CCSER1: variants seen among roughly 807,000 people sequenced by gnomAD.
CCSER1 encodes the protein serine-rich coiled-coil domain-containing protein 1.
CCSER1 carries 41 observed loss-of-function variants against 82.0 expected under a neutral mutation model. That is an observed-to-expected ratio of 0.50 (90% confidence interval 0.39 to 0.65). The LOEUF (loss-of-function observed/expected upper bound fraction) is 0.65, where lower values mean the gene tolerates loss of function less well. Among genes scored for constraint, CCSER1 ranks in the 30% least tolerant of loss-of-function variants. The pLI is 0.00. For missense variants in CCSER1, 1,119 were observed against 1,064.2 expected (o/e 1.05, Z -0.72); for synonymous variants, 414 against 383.9 (o/e 1.08, Z -0.92).
chr4:90,875,096 T>C (rs1767030624), intron 8 of CCSER1, among the ~76,000 whole-genome samples: 1 of 151,998 alleles, frequency 6.6e-6, no homozygotes, highest in South Asian at 2.1e-4. Context: ...AACTGCATCA[T>C]CTCTCTGTAT....
intron 3 of CCSER1, among the ~76,000 whole-genome samples, chr4:90,317,638 A>G (rs1308972323): frequency 6.6e-6 from 1 of 152,086 alleles, no homozygotes; most frequent in Non-Finnish European, 1.5e-5. Context: ...AAATAAATAA[A>G]ATAAAATAAA....
chr4:90,145,819 A>G (rs946525366), intron 1 of CCSER1, among the ~76,000 whole-genome samples: 2 of 152,138 alleles, frequency 1.3e-5, no homozygotes, highest in Non-Finnish European at 2.9e-5. Flanking sequence ...TAAAAACAAA[A>G]CAATTGAACA....
chr4:90,532,822 C>T (rs939856294), intron 5 of CCSER1, among the ~76,000 whole-genome samples: 14 of 152,106 alleles, frequency 9.2e-5, no homozygotes, highest in Admixed American at 4.6e-4. Flanking sequence ...AATAGATCGA[C>T]TTGTACTTTG....
intron 5 of CCSER1, among the ~76,000 whole-genome samples, chr4:90,562,802 T>C (rs989055808): frequency 4.0e-5 from 6 of 150,192 alleles, no homozygotes; most frequent in African/African-American, 9.8e-5. Flanking sequence ...CTTCCCAAAG[T>C]GCTAGGATTA....
intron 6 of CCSER1, among the ~76,000 whole-genome samples, chr4:90,654,072 G>A (rs1490848773): frequency 6.6e-6 from 1 of 151,998 alleles, no homozygotes; most frequent in African/African-American, 2.4e-5. Context: ...ACAGCAAGGG[G>A]GAAATTTGCC....
intron 9 of CCSER1, among the ~76,000 whole-genome samples, chr4:90,976,475 C>A (rs1343321704): frequency 6.6e-6 from 1 of 150,728 alleles, no homozygotes. Flanking sequence ...TTAGGTCAAG[C>A]AGTTTGGCGG....
At position 90,707,536 on chromosome 4, in the gene CCSER1, AAAAT is replaced by A. The variant is rs1365958120; in HGVS notation, c.1933-16376_1933-16373del. Among the ~76,000 whole-genome samples, 818 of 144,642 alleles carry A rather than the reference AAAAT, an allele frequency of 5.7e-3. 1 individual carries two copies. Among genetic ancestry groups the A allele is most frequent in the African/African-American group, 0.02 (775 of 37,936 alleles). The allele number at this position is 144,642 out of a possible 152,430, so 94.9% of individuals were successfully genotyped here. A position where few individuals can be genotyped will look rare whatever the true frequency, so the allele number is the denominator to read the frequency against. ...ATTCTGTCATTTCTACCTTAAAAAA[AAAAT>A]ATATATATATATATATAATATTCAA... On this transcript the variant is annotated intron_variant, in intron 6 of 10. Coordinates refer to ENST00000509176, the MANE Select transcript of CCSER1 (RefSeq NM_001145065.2).
chr4:90,983,487 C>A (rs1715694812), intron 9 of CCSER1, among the ~76,000 whole-genome samples: 1 of 151,652 alleles, frequency 6.6e-6, no homozygotes, highest in African/African-American at 2.4e-5. Flanking sequence ...CTTCCTAAAT[C>A]TTTCGTGGAC....
chr4:91,137,630 A>G (rs1728613475), intron 10 of CCSER1, among the ~76,000 whole-genome samples: 1 of 146,182 alleles, frequency 6.8e-6, no homozygotes, highest in Non-Finnish European at 1.5e-5. Context: ...TCCCACCAAC[A>G]GTGTCAAAGT....
chr4:91,364,353 T>G (rs1485637682), intron 10 of CCSER1, among the ~76,000 whole-genome samples: 1 of 152,060 alleles, frequency 6.6e-6, no homozygotes, highest in Non-Finnish European at 1.5e-5. Flanking sequence ...ATTTTTAAAT[T>G]TTAGTACTTT....
At chr4:90,246,924 T>G (rs1405534161) in intron 1 of CCSER1, among the ~76,000 whole-genome samples, 1 of 152,116 alleles carries the variant, frequency 6.6e-6, no homozygotes, top group African/African-American at 2.4e-5. Flanking sequence ...GGAAACACTT[T>G]GCGGCTTCTC....
chr4:90,483,991 C>G (rs1026877553), intron 5 of CCSER1, among the ~76,000 whole-genome samples: 1 of 152,188 alleles, frequency 6.6e-6, no homozygotes, highest in Admixed American at 6.5e-5. Context: ...TCCATTCTCC[C>G]CATCACTTTC....
At chr4:90,354,668 G>A (rs899141309) in intron 3 of CCSER1, among the ~76,000 whole-genome samples, 2 of 151,896 alleles carry the variant, frequency 1.3e-5, no homozygotes, top group South Asian at 2.1e-4. Context: ...ACTAAATAAA[G>A]GTATTAATGA....
chr4:90,254,446 A>G (rs1161832983), intron 1 of CCSER1, among the ~76,000 whole-genome samples: 1 of 151,268 alleles, frequency 6.6e-6, no homozygotes, highest in Non-Finnish European at 1.5e-5. Flanking sequence ...TGCTGAAACA[A>G]GGACATTCAG....
rs74790143 is a variant in CCSER1 at position 91,531,199 on chromosome 4, C to T, written c.2218-67373C>T. Among the ~76,000 whole-genome samples the T allele has an allele frequency of 3.2e-4, 49 of 152,114 alleles. 2 individuals are homozygous for T. The East Asian group carries it at 9.1e-3, about 28-fold the overall frequency. On this transcript the variant is annotated intron_variant, in intron 10 of 10. Coordinates refer to ENST00000509176, the MANE Select transcript of CCSER1 (RefSeq NM_001145065.2). ...AATTTAAGTAAATTCTGCCTTAATCCAAAGACTGAGCATGTATTTCATTAT... is the reference window on the plus strand; with the variant it reads ...AATTTAAGTAAATTCTGCCTTAATCTAAAGACTGAGCATGTATTTCATTAT...
intron 7 of CCSER1, chr4:90,781,961 C>T (rs1234593341): frequency 4.4e-6 from 4 of 899,558 alleles, no homozygotes; most frequent in East Asian, 1.2e-4. Flanking sequence ...ATTAAATGCC[C>T]GATATAGGAA....
intron 5 of CCSER1, among the ~76,000 whole-genome samples, chr4:90,499,503 T>A (rs1769527260): frequency 6.6e-6 from 1 of 152,246 alleles, no homozygotes; most frequent in Admixed American, 6.5e-5. Flanking sequence ...TTTTTCTTTA[T>A]AAGCTTCTCT....
intron 7 of CCSER1, among the ~76,000 whole-genome samples, chr4:90,765,597 A>G (rs1386408962): frequency 6.6e-6 from 1 of 151,960 alleles, no homozygotes; most frequent in African/African-American, 2.4e-5. Context: ...GTCTCATATA[A>G]TTTTTTTTAA....
In CCSER1 at chr4:90,325,529, C is replaced by T. The variant is rs181839089; in HGVS notation, c.1509+12482C>T. ...CCGTGAGAGGACAACTGCTTTGTTC[C>T]TTATTTAGCTAACTGAATGGGCTGG... On this transcript the variant is annotated intron_variant, in intron 3 of 10. Transcript: ENST00000509176. 1.3e-3 allele frequency: 325 copies of T among 241,766 alleles called. 1 individual carries two copies. Among genetic ancestry groups the T allele is most frequent in the African/African-American group, 6.7e-3 (301 of 44,622 alleles). The allele number at this position is 241,766 out of a possible 1,614,324, so 15.0% of individuals were successfully genotyped here.
Sources: allele counts gnomAD v4.1 joint callset (sites outside exome capture counted in the v4.1 genomes callset), GRCh38; gene constraint gnomAD v4.1.1; transcripts MANE v1.5; gene names NCBI Gene and HGNC (gene_info 2026-07-23, HGNC 2026-07-21).